DPF3: variants seen among roughly 807,000 people sequenced by gnomAD.
DPF3 encodes the protein zinc finger protein DPF3.
A neutral mutation model predicts 56.8 loss-of-function variants in DPF3; 18 were observed. The observed-to-expected ratio is 0.32, with a 90% CI of 0.22 to 0.47. The LOEUF (loss-of-function observed/expected upper bound fraction) is 0.47, where lower values mean the gene tolerates loss of function less well. Among genes scored for constraint, DPF3 ranks in the 20% least tolerant of loss-of-function variants. DPF3 has a pLI of 1.00. For missense variants in DPF3, 403 were observed against 488.8 expected, an observed-to-expected ratio of 0.82 and a Z score of 1.65; for synonymous variants, 188 against 180.2, an observed-to-expected ratio of 1.04 and a Z score of -0.35.
intron 1 of DPF3, among the ~76,000 whole-genome samples, chr14:72,884,097 C>T (rs1422238000): frequency 6.6e-6 from 1 of 152,154 alleles, no homozygotes; most frequent in Admixed American, 6.6e-5. Flanking sequence ...CAGGCAAGGA[C>T]CAAAGGCCCA....
At chr14:72,795,293 A>ATAT (rs1317667797) in intron 1 of DPF3, among the ~76,000 whole-genome samples, 3,322 of 107,398 alleles carry the variant, frequency 0.031, 15 homozygotes, top group Non-Finnish European at 0.047. Flanking sequence ...AAAAAAAAAA[A>ATAT]AAATATATAT....
At chr14:72,847,138 G>A (rs1884792566) in intron 1 of DPF3, among the ~76,000 whole-genome samples, 1 of 152,188 alleles carries the variant, frequency 6.6e-6, no homozygotes, top group African/African-American at 2.4e-5. Flanking sequence ...CCAGATATCC[G>A]TGAGTTGGTG....
At chr14:72,789,463 G>A (rs531759794) in intron 1 of DPF3, among the ~76,000 whole-genome samples, 1 of 152,152 alleles carries the variant, frequency 6.6e-6, no homozygotes, top group Non-Finnish European at 1.5e-5. Context: ...TTTGCTGACT[G>A]ATTCGGACAT....
chr14:72,775,545 C>G (rs930886473), intron 1 of DPF3, among the ~76,000 whole-genome samples: 4 of 152,216 alleles, frequency 2.6e-5, no homozygotes, highest in African/African-American at 9.7e-5. Context: ...ACTTTCATAA[C>G]ATGCAATGTT....
intron 8 of DPF3, among the ~76,000 whole-genome samples, chr14:72,650,989 C>T (rs1044624722): frequency 6.6e-6 from 1 of 152,254 alleles, no homozygotes; most frequent in Non-Finnish European, 1.5e-5. Flanking sequence ...GGGTTCCTCA[C>T]TTGATCAACT....
At chr14:72,714,359 G>A (rs538317502) in intron 6 of DPF3, 64 bp downstream of exon 6, 155 of 1,596,924 alleles carry the variant, frequency 9.7e-5, no homozygotes, top group Middle Eastern at 3.4e-4. Flanking sequence ...AGGAAGCACA[G>A]GGAAGAGGGG....
At chr14:72,671,309 T>G in intron 8 of DPF3, 1 of 1,613,930 alleles carries the variant, frequency 6.2e-7, no homozygotes, top group East Asian at 2.2e-5. Context: ...GCTGCCTCCT[T>G]CTCCTTCCTG....
At chr14:72,818,570 C>T (rs918158809) in intron 1 of DPF3, among the ~76,000 whole-genome samples, 4 of 152,160 alleles carry the variant, frequency 2.6e-5, no homozygotes, top group Non-Finnish European at 5.9e-5. Context: ...CCAGCTACAT[C>T]GCAGGCTGAG....
At position 72,613,674 on chromosome 14, in the gene DPF3, T is replaced by C. The variant is rs1883896970; in HGVS notation, c.*5623A>G. On this transcript the variant is annotated 3_prime_UTR_variant, in exon 11 of 11. Transcript: ENST00000556509. ...AGCCTGTTCCCAGGAACCCACTCAC[T>C]TCCAAATCTTTCCCCTCATGCAGGG... is the stretch of plus-strand genomic sequence containing the variant. Among the ~76,000 whole-genome samples the C allele has an allele frequency of 1.3e-5, 2 of 152,146 alleles. No individual in the cohort carries two copies.
At chr14:72,813,396 CGCTT>C (rs1555509440) in intron 1 of DPF3, among the ~76,000 whole-genome samples, 1 of 152,174 alleles carries the variant, frequency 6.6e-6, no homozygotes, top group Non-Finnish European at 1.5e-5. Flanking sequence ...AACTGCTGAG[CGCTT>C]GCAGCTTTTA....
rs368366295 is a variant in DPF3, at chr14:72,825,237, A to G, written c.33-53344T>C. 8.2e-4 allele frequency among the ~76,000 whole-genome samples: 125 copies of G among 152,288 alleles called. 2 individuals carry two copies. The South Asian group carries it at 0.025, about 30-fold the overall frequency. On this transcript the variant is annotated intron_variant, in intron 1 of 10. Transcript: ENST00000556509. ...CCCTCTCTTCTAAATGTAAACTCTCAGATGTCAAGAACTAGATCTTATACA... is the reference window on the plus strand; with the variant it reads ...CCCTCTCTTCTAAATGTAAACTCTCGGATGTCAAGAACTAGATCTTATACA...
intron 1 of DPF3, among the ~76,000 whole-genome samples, chr14:72,774,783 T>C (rs1052784915): frequency 1.3e-5 from 2 of 152,128 alleles, no homozygotes; most frequent in Non-Finnish European, 2.9e-5. Context: ...TGGAAATGAA[T>C]TGGGGAGGGG....
chr14:72,722,863 T>C (rs2139840855), intron 5 of DPF3, among the ~76,000 whole-genome samples: 1 of 152,104 alleles, frequency 6.6e-6, no homozygotes, highest in South Asian at 2.1e-4. Flanking sequence ...TCCACCTGGG[T>C]TTTTTCCCCT....
At chr14:72,750,991 G>A (rs1353192601) in intron 3 of DPF3, among the ~76,000 whole-genome samples, 1 of 152,062 alleles carries the variant, frequency 6.6e-6, no homozygotes, top group Admixed American at 6.6e-5. Flanking sequence ...AGGAGTTTAA[G>A]ACTAGCCTGG....
intron 1 of DPF3, among the ~76,000 whole-genome samples, chr14:72,788,518 A>T (rs1163411187): frequency 6.6e-6 from 1 of 152,114 alleles, no homozygotes; most frequent in African/African-American, 2.4e-5. Flanking sequence ...CGGAGGACAG[A>T]TTATCTGGGG....
chr14:72,875,393 C>A (rs561793849), intron 1 of DPF3, among the ~76,000 whole-genome samples: 3 of 152,250 alleles, frequency 2.0e-5, no homozygotes, highest in Admixed American at 6.5e-5. Flanking sequence ...GGCAACAGGG[C>A]AAGACCCTGT....
At chr14:72,743,145 A>G (rs1890196943) in intron 3 of DPF3, among the ~76,000 whole-genome samples, 1 of 152,170 alleles carries the variant, frequency 6.6e-6, no homozygotes, top group Non-Finnish European at 1.5e-5. Flanking sequence ...AAAGAACACT[A>G]TCCCTGGCTG....
intron 1 of DPF3, among the ~76,000 whole-genome samples, chr14:72,873,130 C>A (rs956224822): frequency 7.2e-5 from 11 of 152,178 alleles, no homozygotes; most frequent in African/African-American, 2.6e-4. Context: ...TCAGAGTGAA[C>A]AGGCAACCTA....
At chr14:72,710,981 ACTCT>A (rs769403076) in intron 6 of DPF3, among the ~76,000 whole-genome samples, 1 of 152,148 alleles carries the variant, frequency 6.6e-6, no homozygotes, top group Non-Finnish European at 1.5e-5. Flanking sequence ...CATCAAGCAA[ACTCT>A]CTATCACCTG....
Sources: allele counts gnomAD v4.1 joint callset (sites outside exome capture counted in the v4.1 genomes callset), GRCh38; gene constraint gnomAD v4.1.1; transcripts MANE v1.5; gene names NCBI Gene and HGNC (gene_info 2026-07-23, HGNC 2026-07-21).